Variants in BPHL observed in about 807,000 individuals in gnomAD.
The protein encoded by BPHL is serine hydrolase BPHL.
BPHL carries 27 observed loss-of-function variants against 31.2 expected under a neutral mutation model. The ratio of observed to expected loss-of-function variants is 0.87; its 90% CI spans 0.64 to 1.19. The LOEUF (loss-of-function observed/expected upper bound fraction) is 1.19. BPHL is among the 50% of genes most tolerant of loss of function. BPHL has a pLI of 0.00. For synonymous variants in BPHL, 150 were observed against 146.8 expected (o/e 1.02, Z -0.16); for missense variants, 356 against 375.7 (o/e 0.95, Z 0.43).
chr6:3,142,293 A>C (rs1408011923), intron 6 of BPHL, among the ~76,000 whole-genome samples: 2 of 151,844 alleles, frequency 1.3e-5, no homozygotes, highest in African/African-American at 4.8e-5. Context: ...TAATTTTTGC[A>C]TTTTTAGTAG....
intron 1 of BPHL, among the ~76,000 whole-genome samples, chr6:3,119,899 A>C (rs1160944139): frequency 6.6e-6 from 1 of 152,244 alleles, no homozygotes; most frequent in Non-Finnish European, 1.5e-5. Flanking sequence ...TTATTATAAG[A>C]TGGTCAGGGC....
intron 6 of BPHL, among the ~76,000 whole-genome samples, chr6:3,150,835 A>G (rs538950673): frequency 6.6e-6 from 1 of 152,346 alleles, no homozygotes; most frequent in South Asian, 2.1e-4. Flanking sequence ...CTTAAAAGAT[A>G]TCAAGGAGAA....
intron 6 of BPHL, among the ~76,000 whole-genome samples, chr6:3,146,474 G>A (rs1762368874): frequency 7.1e-6 from 1 of 140,990 alleles, no homozygotes; most frequent in Non-Finnish European, 1.5e-5. Context: ...GGGTTGGAGT[G>A]CTGGTTCCAG....
chr6:3,129,446 T>C (rs1204713714), intron 4 of BPHL, among the ~76,000 whole-genome samples: 2 of 152,258 alleles, frequency 1.3e-5, no homozygotes, highest in Non-Finnish European at 2.9e-5. Flanking sequence ...ACTATTTCTA[T>C]TTACTACTAC....
intron 4 of BPHL, among the ~76,000 whole-genome samples, chr6:3,132,195 A>G (rs1177533742): frequency 6.6e-6 from 1 of 152,146 alleles, no homozygotes; most frequent in Non-Finnish European, 1.5e-5. Context: ...GCTAGAGACC[A>G]AGCCCCCACC....
Position 3,121,293 on chromosome 6 carries a change from T to TTC in BPHL, c.108-2363_108-2362insCT, listed in dbSNP as rs1761565821. On this transcript the variant is annotated intron_variant, in intron 1 of 6. Transcript: ENST00000380379. ...ATACAATATGATAATAGCAGTTTCT[T>TTC]TTTTTTTTTTTTTTTTTTTTTTTTT... Among the ~76,000 whole-genome samples, 3 of 106,062 alleles carry TTC rather than the reference T, an allele frequency of 2.8e-5. No individual in the cohort carries two copies. In the South Asian group the frequency reaches 9.7e-4, roughly 34 times the overall value. 69.6% of individuals were successfully genotyped at this position (106,062 alleles called of 152,430 possible).
rs1457941664 is a variant in BPHL at position 3,123,745 on chromosome 6, C to T, written c.196C>T (p.Leu66Phe). Residue 66 changes from leucine (L) to phenylalanine (F), a missense_variant, in exon 2 of 7, where the codon CTT (leucine) becomes TTT (phenylalanine). Physicochemically the swap from Leu to Phe is conservative, Grantham distance 22. Coordinates refer to ENST00000380379, the MANE Select transcript of BPHL (RefSeq NM_004332.4). ...TGEGDHAVLL[L>F]PGMLGSGETD... ...AGAGGGAGATCACGCAGTCCTGCTA[C>T]TTCCTGGGATGTTAGGTCTGGGTAC... 2.5e-6 allele frequency: 4 copies of T among 1,612,446 alleles called. No homozygotes were observed. In the African/African-American group the frequency reaches 5.3e-5, roughly 22 times the overall value.
At chr6:3,118,890 C>G in intron 1 of BPHL, 43 bp downstream of exon 1, 1 of 1,223,898 alleles carries the variant, frequency 8.2e-7, no homozygotes, top group Non-Finnish European at 1.0e-6. Context: ...AGCATCGGCG[C>G]GCTCGAGGGG....
chr6:3,151,369 T>G (rs745567381), intron 6 of BPHL, among the ~76,000 whole-genome samples: 13 of 152,220 alleles, frequency 8.5e-5, no homozygotes, highest in Non-Finnish European at 1.6e-4. Flanking sequence ...TCGTGATTGT[T>G]AGTAATAGCA....
At chr6:3,124,946 G>A (rs1480007464) in intron 2 of BPHL, among the ~76,000 whole-genome samples, 2 of 152,168 alleles carry the variant, frequency 1.3e-5, no homozygotes, top group Non-Finnish European at 2.9e-5. Flanking sequence ...GACTCTCATG[G>A]CTGATGGGGA....
chr6:3,121,419 C>T (rs1761571368), intron 1 of BPHL, among the ~76,000 whole-genome samples: 1 of 150,942 alleles, frequency 6.6e-6, no homozygotes, highest in African/African-American at 2.4e-5. Flanking sequence ...CCTGCCTCAG[C>T]CTTCTGAGTA....
intron 1 of BPHL, among the ~76,000 whole-genome samples, chr6:3,122,274 C>A (rs1344727013): frequency 4.6e-5 from 7 of 152,078 alleles, no homozygotes; most frequent in Non-Finnish European, 8.8e-5. Flanking sequence ...AGTGAGACTC[C>A]ATCTCAAAAA....
rs1200751048 is a variant in BPHL at position 3,140,519 on chromosome 6, G to A, written c.788+10G>A. 2 of 1,613,454 alleles carry A rather than the reference G, an allele frequency of 1.2e-6. No homozygotes were observed. Among genetic ancestry groups the A allele is most frequent in the Non-Finnish European group, 1.7e-6 (2 of 1,179,928 alleles). Reference sequence around the variant, plus strand: ...ACGTGAAAGGCTCACGGTAAGTCCTGTCACCGCCTTCACACTCCCCCCGAG... The same window carrying A: ...ACGTGAAAGGCTCACGGTAAGTCCTATCACCGCCTTCACACTCCCCCCGAG... On this transcript the variant is annotated intron_variant, in intron 6 of 6. Transcript: ENST00000380379. The surrounding 1 kb of genome is among the most constrained non-coding windows in gnomAD (Gnocchi z 5.2).
At chr6:3,137,629 A>G (rs1231051260) in intron 5 of BPHL, 136 bp downstream of exon 5, 1 of 1,306,346 alleles carries the variant, frequency 7.7e-7, no homozygotes, top group Non-Finnish European at 1.1e-6. Context: ...AGAACAGAGA[A>G]TACTAGTTCT....
intron 4 of BPHL, among the ~76,000 whole-genome samples, chr6:3,136,591 T>G (rs1018640279): frequency 2.6e-5 from 4 of 152,244 alleles, no homozygotes; most frequent in African/African-American, 9.6e-5. Context: ...TGTCCGGGAC[T>G]CTGTAGAGAT....
rs1468879282 is a variant in BPHL at position 3,153,512 on chromosome 6, A to T, written c.*937A>T. ...GTACTAAAAGGACAGGAATGTTATT[A>T]ATTAAAACACTAAAGCAGAAATCCT... is the stretch of plus-strand genomic sequence containing the variant. On this transcript the variant is annotated 3_prime_UTR_variant, in exon 7 of 7. Transcript: ENST00000380379. 2 of 384,394 alleles carry T rather than the reference A, an allele frequency of 5.2e-6. No homozygotes were observed. The highest frequency in any genetic ancestry group is 2.9e-5 in the South Asian group (1 of 34,838). 23.8% of individuals were successfully genotyped at this position (384,394 alleles called of 1,614,324 possible).
chr6:3,132,173 G>A (rs1331027807), intron 4 of BPHL, among the ~76,000 whole-genome samples: 1 of 152,104 alleles, frequency 6.6e-6, no homozygotes, highest in East Asian at 1.9e-4. Flanking sequence ...GATGGCTGTG[G>A]CCCGCCAGTG....
chr6:3,150,877 G>A (rs111689107), intron 6 of BPHL, among the ~76,000 whole-genome samples: 7 of 152,194 alleles, frequency 4.6e-5, no homozygotes, highest in African/African-American at 1.7e-4. Context: ...CTATCTGTCT[G>A]TCCATCTGTC....
chr6:3,119,930 C>T (rs960512235), intron 1 of BPHL, among the ~76,000 whole-genome samples: 1 of 152,194 alleles, frequency 6.6e-6, no homozygotes, highest in African/African-American at 2.4e-5. Context: ...GATGGAAAAA[C>T]ATGTTAATGG....
Sources: allele counts gnomAD v4.1 joint callset (sites outside exome capture counted in the v4.1 genomes callset), GRCh38; gene constraint gnomAD v4.1.1; non-coding constraint Gnocchi (gnomAD v3.1); transcripts MANE v1.5; gene names NCBI Gene and HGNC (gene_info 2026-07-23, HGNC 2026-07-21).